TMLHE: variants seen among roughly 807,000 people sequenced by gnomAD.
TMLHE encodes trimethyllysine hydroxylase, epsilon.
A neutral mutation model predicts 25.7 loss-of-function variants in TMLHE; 18 were observed. That is an observed-to-expected ratio of 0.70 (90% CI 0.48 to 1.04). The LOEUF is 1.04. TMLHE is among the 50% of genes least tolerant of loss of function. TMLHE has a pLI of 0.00. For synonymous variants in TMLHE, 105 were observed against 97.0 expected (o/e 1.08, Z -0.49); for missense variants, 236 against 259.0 (o/e 0.91, Z 0.61).
chrX:155,597,379 C>T lies in TMLHE; in HGVS notation c.-2+15413G>A, dbSNP rs942482398. ...TGGAGAGGATGTGGAGAAATAGGAA[C>T]GCTTTTACACTGTTGGTGGGATTGT... On this transcript the variant is annotated intron_variant, in intron 1 of 7. Coordinates refer to ENST00000334398, the MANE Select transcript of TMLHE (RefSeq NM_018196.4). Among the ~76,000 whole-genome samples, 33 of 111,115 alleles carry T rather than the reference C, an allele frequency of 3.0e-4. No homozygotes were observed. The East Asian group carries it at 3.4e-3, about 11-fold the overall frequency.
In TMLHE at chrX:155,556,986, C is replaced by T. The variant is rs2067461366; in HGVS notation, c.-1-11709G>A. 2.7e-5 allele frequency among the ~76,000 whole-genome samples: 3 copies of T among 112,410 alleles called. No homozygotes were observed. In the South Asian group the frequency reaches 1.1e-3, roughly 41 times the overall value. On this transcript the variant is annotated intron_variant, in intron 1 of 7. Transcript: ENST00000334398. ...ATATGGTTCTGTTCTGCCCAGCTCACCGGCAGTCAGAGTTTAAGGTTATCT... is the reference window on the plus strand; with the variant it reads ...ATATGGTTCTGTTCTGCCCAGCTCATCGGCAGTCAGAGTTTAAGGTTATCT...
chrX:155,567,181 C>G lies in TMLHE; in HGVS notation c.-1-21904G>C, dbSNP rs1375780971. 4.8e-5 allele frequency among the ~76,000 whole-genome samples: 3 copies of G among 62,589 alleles called. 1 individual carries two copies. Among genetic ancestry groups the G allele is most frequent in the African/African-American group, 1.1e-4 (3 of 28,191 alleles). The allele number at this position is 62,589 out of a possible 115,157, so 54.4% of individuals were successfully genotyped here. ...TGGGGAATGGCCGCAGTTGGAAACT[C>G]TAGTCAGAGCAGCAACTGCATATGG... On this transcript the variant is annotated intron_variant, in intron 1 of 7. Coordinates refer to ENST00000334398, the MANE Select transcript of TMLHE (RefSeq NM_018196.4).
chrX:155,521,943 C>T (rs1015250182), intron 3 of TMLHE, among the ~76,000 whole-genome samples: 2 of 100,755 alleles, frequency 2.0e-5, no homozygotes, highest in African/African-American at 7.3e-5. Context: ...GTGAGATGAA[C>T]CCGGTACCTC....
At chrX:155,548,415 C>G (rs2067370977) in intron 1 of TMLHE, among the ~76,000 whole-genome samples, 1 of 111,657 alleles carries the variant, frequency 9.0e-6, no homozygotes, top group Non-Finnish European at 1.9e-5. Context: ...ACACAACTGA[C>G]AAAGTATTAA....
chrX:155,553,402 CT>C (rs2067427744), intron 1 of TMLHE, among the ~76,000 whole-genome samples: 2 of 108,051 alleles, frequency 1.9e-5, no homozygotes, highest in African/African-American at 6.8e-5. Flanking sequence ...TGGATTGCCC[CT>C]GTTATCATTA....
chrX:155,591,217 G>A (rs1471269152), intron 1 of TMLHE, among the ~76,000 whole-genome samples: 1 of 111,404 alleles, frequency 9.0e-6, no homozygotes, highest in Admixed American at 9.5e-5. Context: ...ATTAAAGAAA[G>A]AAAGAAATAA....
chrX:155,583,443 A>T (rs1021611442), intron 1 of TMLHE, among the ~76,000 whole-genome samples: 2 of 110,349 alleles, frequency 1.8e-5, no homozygotes, highest in African/African-American at 3.3e-5. Context: ...TGATTCAGTT[A>T]CCTCCCACCA....
Position 155,573,169 on chromosome X carries a change from G to A in TMLHE, c.-1-27892C>T, listed in dbSNP as rs5983735. Among the ~76,000 whole-genome samples, 10 of 57,175 alleles carry A rather than the reference G, an allele frequency of 1.7e-4. 3 individuals carry two copies. Among genetic ancestry groups the A allele is most frequent in the East Asian group, 7.3e-4 (1 of 1,367 alleles). The allele number at this position is 57,175 out of a possible 115,157, so 49.6% of individuals were successfully genotyped here. A position where few individuals can be genotyped will look rare whatever the true frequency, so the allele number is the denominator to read the frequency against. ...CAAACAACCCCATCAAAAAGTGGGC[G>A]AAGGATATGAACAGACACTTCTCAA... On this transcript the variant is annotated intron_variant, in intron 1 of 7. Coordinates refer to ENST00000334398, the MANE Select transcript of TMLHE (RefSeq NM_018196.4).
chrX:155,555,587 G>A (rs1322620542), intron 1 of TMLHE, among the ~76,000 whole-genome samples: 3 of 110,984 alleles, frequency 2.7e-5, no homozygotes, highest in African/African-American at 9.9e-5. Flanking sequence ...GCGTGAGATG[G>A]TATCTCATTG....
intron 1 of TMLHE, among the ~76,000 whole-genome samples, chrX:155,567,984 G>T (rs2067517310): frequency 1.6e-5 from 1 of 61,586 alleles, no homozygotes; most frequent in African/African-American, 3.6e-5. Context: ...GACAGTGGGC[G>T]CAGGACAGTG....
At chrX:155,569,980 C>T (rs374766807) in intron 1 of TMLHE, among the ~76,000 whole-genome samples, 4 of 55,238 alleles carry the variant, frequency 7.2e-5, no homozygotes, top group Non-Finnish European at 9.4e-5. Flanking sequence ...AATTCACACA[C>T]AACAATATTA....
intron 1 of TMLHE, chrX:155,612,275 G>C (rs1468514884): frequency 3.6e-5 from 4 of 111,658 alleles, no homozygotes; most frequent in African/African-American, 1.3e-4. Flanking sequence ...CAGACAAAGG[G>C]TAAAATCTGG....
intron 5 of TMLHE, among the ~76,000 whole-genome samples, chrX:155,510,868 A>G (rs1474510004): frequency 2.5e-4 from 26 of 105,123 alleles, no homozygotes; most frequent in African/African-American, 8.7e-4. Flanking sequence ...TCCCACCAAC[A>G]GTGTAAAAGT....
intron 1 of TMLHE, among the ~76,000 whole-genome samples, chrX:155,605,737 A>G (rs1290587891): frequency 3.6e-5 from 4 of 111,926 alleles, no homozygotes; most frequent in Non-Finnish European, 7.5e-5. Context: ...TCAAATCTGC[A>G]CATATCAATA....
intron 1 of TMLHE, among the ~76,000 whole-genome samples, chrX:155,557,558 C>T (rs1388560448): frequency 8.9e-6 from 1 of 112,035 alleles, no homozygotes; most frequent in African/African-American, 3.2e-5. Context: ...ACCATTCTCT[C>T]TCCTTTTTTT....
chrX:155,549,181 T>C (rs1417949519), intron 1 of TMLHE, among the ~76,000 whole-genome samples: 2 of 111,363 alleles, frequency 1.8e-5, no homozygotes, highest in Non-Finnish European at 3.8e-5. Context: ...GAATGTCATA[T>C]ATGAATAGAG....
At chrX:155,549,639 G>C (rs782579314) in intron 1 of TMLHE, among the ~76,000 whole-genome samples, 1 of 109,864 alleles carries the variant, frequency 9.1e-6, no homozygotes, top group African/African-American at 3.4e-5. Context: ...TTTTGTTTCA[G>C]TATTTTGCAT....
chrX:155,579,426 G>T (rs1250691040), intron 1 of TMLHE, among the ~76,000 whole-genome samples: 8 of 112,099 alleles, frequency 7.1e-5, no homozygotes, highest in Non-Finnish European at 1.1e-4. Context: ...GAACAGAATA[G>T]AGAACACAGA....
chrX:155,526,448 G>A (rs1557336464), intron 2 of TMLHE, among the ~76,000 whole-genome samples: 5 of 112,865 alleles, frequency 4.4e-5, no homozygotes. Flanking sequence ...GAAATGCCTG[G>A]ATATCCAGGC....
Sources: gnomAD v4.1 joint callset for allele counts (sites outside exome capture counted in the v4.1 genomes callset) on GRCh38, gnomAD v4.1.1 for gene constraint, MANE v1.5 for transcripts, NCBI Gene and HGNC (gene_info 2026-07-23, HGNC 2026-07-21) for gene names.